Variants in FAM171A1 observed in about 807,000 individuals in gnomAD.
FAM171A1 encodes the protein family with sequence similarity 171 member A1.
Under a neutral mutation model 74.9 loss-of-function variants are expected in FAM171A1, and 23 were observed. That is an observed-to-expected ratio of 0.31 (90% confidence interval 0.22 to 0.44). The LOEUF is 0.44. Ranked by LOEUF, FAM171A1 falls within the 20% of genes least tolerant of loss-of-function variation. The pLI is 1.00. For synonymous variants in FAM171A1, 527 were observed against 505.7 expected, an observed-to-expected ratio of 1.04 and a Z score of -0.57; for missense variants, 1,162 against 1,159.2, an observed-to-expected ratio of 1.00 and a Z score of -0.03.
chr10:15,284,979 T>C (rs1023747786), intron 1 of FAM171A1, among the ~76,000 whole-genome samples: 1 of 148,292 alleles, frequency 6.7e-6, no homozygotes, highest in Non-Finnish European at 1.5e-5. Context: ...GAAGTCAAGT[T>C]AGGAATATTG....
chr10:15,356,233 A>C (rs1012360167), intron 1 of FAM171A1, among the ~76,000 whole-genome samples: 4 of 150,238 alleles, frequency 2.7e-5, no homozygotes, highest in African/African-American at 9.8e-5. Context: ...TATATATATA[A>C]ATACATACAT....
intron 5 of FAM171A1, 55 bp downstream of exon 5, chr10:15,248,584 C>T: frequency 1.3e-6 from 2 of 1,521,180 alleles, no homozygotes; most frequent in South Asian, 1.3e-5. Flanking sequence ...GAAGGAAAAC[C>T]AAACAGTAAC....
chr10:15,254,775 G>A lies in FAM171A1; in HGVS notation c.523C>T (p.Pro175Ser), dbSNP rs773892599. The change falls in exon 4 of 8, where the codon CCT (proline) becomes TCT (serine). Residue 175 changes from proline (P) to serine (S), a missense_variant. By Grantham distance (74) the Pro-to-Ser change is moderately conservative (BLOSUM62 -1). Transcript: ENST00000378116. ...TAAGGAAAACTGTCCACCTCCGAAG[G>A]GGAGCTGGCGGCCGTGAGAAACGCG... is the stretch of plus-strand genomic sequence containing the variant. ...LTAFLTAASS[P>S]SEVDSFPYLR... 23 of 1,614,068 alleles carry A rather than the reference G, an allele frequency of 1.4e-5. No individual in the cohort carries two copies. The Admixed American group carries it at 3.5e-4, about 25-fold the overall frequency.
chr10:15,227,863 A>G (rs551393895), intron 5 of FAM171A1, among the ~76,000 whole-genome samples: 11 of 152,334 alleles, frequency 7.2e-5, no homozygotes, highest in African/African-American at 1.2e-4. Context: ...TTTAACTACA[A>G]TGATTATTAC....
chr10:15,261,497 C>T (rs1242950281), intron 3 of FAM171A1, among the ~76,000 whole-genome samples: 1 of 152,124 alleles, frequency 6.6e-6, no homozygotes, highest in Non-Finnish European at 1.5e-5. Flanking sequence ...ATTCATTACT[C>T]TAATACAGAA....
intron 1 of FAM171A1, among the ~76,000 whole-genome samples, chr10:15,370,101 A>AC: frequency 6.6e-6 from 1 of 152,014 alleles, no homozygotes; most frequent in East Asian, 1.9e-4. Flanking sequence ...AAAAACGCTG[A>AC]TTTTAAAAAC....
At chr10:15,257,481 C>A (rs1394479718) in intron 3 of FAM171A1, among the ~76,000 whole-genome samples, 1 of 152,182 alleles carries the variant, frequency 6.6e-6, no homozygotes, top group East Asian at 1.9e-4. Context: ...CTCGTGCCTT[C>A]TCGAGCAGAT....
intron 5 of FAM171A1, among the ~76,000 whole-genome samples, chr10:15,244,116 A>T (rs1834400313): frequency 6.6e-6 from 1 of 152,212 alleles, no homozygotes. Context: ...GACTGTGGGA[A>T]GCTGAGGTGG....
In FAM171A1 at chr10:15,341,722, C is replaced by T. The variant is rs1287105219; in HGVS notation, c.97+29234G>A. On this transcript the variant is annotated intron_variant, in intron 1 of 7. Coordinates refer to ENST00000378116, the MANE Select transcript of FAM171A1 (RefSeq NM_001010924.2). ...GAGAGTATGCAGAGCTGGAGATAAG[C>T]CTGCAGGGAAACCTGGGACTTCTGA... 3.9e-5 allele frequency among the ~76,000 whole-genome samples: 6 copies of T among 152,182 alleles called. No individual in the cohort carries two copies. The East Asian group carries it at 1.2e-3, about 29-fold the overall frequency.
At chr10:15,240,470 T>G (rs1834349586) in intron 5 of FAM171A1, among the ~76,000 whole-genome samples, 1 of 152,204 alleles carries the variant, frequency 6.6e-6, no homozygotes, top group Non-Finnish European at 1.5e-5. Flanking sequence ...TCTAAGATGG[T>G]GTTAATCTAG....
At chr10:15,249,433 T>C (rs966956460) in intron 4 of FAM171A1, among the ~76,000 whole-genome samples, 4 of 152,190 alleles carry the variant, frequency 2.6e-5, no homozygotes, top group Admixed American at 6.5e-5. Flanking sequence ...TGTTTTGCTT[T>C]CAAAAACGAT....
At chr10:15,259,896 G>T (rs539463037) in intron 3 of FAM171A1, among the ~76,000 whole-genome samples, 101 of 151,826 alleles carry the variant, frequency 6.7e-4, no homozygotes, top group Admixed American at 4.1e-3. Context: ...TGCCATCACA[G>T]TTCACTGCAG....
At chr10:15,348,599 G>T (rs1471283249) in intron 1 of FAM171A1, among the ~76,000 whole-genome samples, 4 of 152,288 alleles carry the variant, frequency 2.6e-5, no homozygotes, top group African/African-American at 9.6e-5. Context: ...TAACCATCAA[G>T]CCTGGATGTG....
At chr10:15,219,886 A>G (rs971700464) in intron 6 of FAM171A1, among the ~76,000 whole-genome samples, 2 of 152,212 alleles carry the variant, frequency 1.3e-5, no homozygotes, top group Non-Finnish European at 2.9e-5. Flanking sequence ...GGCTAAGGGA[A>G]ACACATTACT....
At chr10:15,341,746 G>A (rs1051304262) in intron 1 of FAM171A1, among the ~76,000 whole-genome samples, 11 of 152,182 alleles carry the variant, frequency 7.2e-5, no homozygotes, top group African/African-American at 2.7e-4. Flanking sequence ...TGGGACTTCT[G>A]AGGATGCTCT....
intron 7 of FAM171A1, 112 bp downstream of exon 7, chr10:15,215,884 T>C: frequency 1.6e-6 from 1 of 635,596 alleles, no homozygotes; most frequent in Admixed American, 3.6e-5. Flanking sequence ...AAAAAGTACT[T>C]CAATTTAGAA....
At position 15,213,346 on chromosome 10, in the gene FAM171A1, C is replaced by T. The variant is rs1228384798; in HGVS notation, c.2242G>A (p.Glu748Lys). 1 of 1,614,194 alleles carries T rather than the reference C, an allele frequency of 6.2e-7. No individual in the cohort carries two copies. Among genetic ancestry groups the T allele is most frequent in the Admixed American group, 1.7e-5 (1 of 60,018 alleles). The change falls in exon 8 of 8, where the codon GAA becomes AAA. Residue 748 changes from glutamate (E) to lysine (K), a missense_variant. By Grantham distance (56) the Glu-to-Lys change is moderately conservative. Transcript: ENST00000378116. This position sits in a 1 kb window ranked among gnomAD's most constrained non-coding sequence, Gnocchi z 6.8. ...CTTCCCTTCCGGGCTGATTTTGGTTCATTCATATCTACGCCAGAGTCCAAA... is the reference window on the plus strand; with the variant it reads ...CTTCCCTTCCGGGCTGATTTTGGTTTATTCATATCTACGCCAGAGTCCAAA... ...ASLDSGVDMN[E>K]PKSARKGRGD...
At chr10:15,294,235 G>A (rs1044662416) in intron 1 of FAM171A1, among the ~76,000 whole-genome samples, 1 of 152,116 alleles carries the variant, frequency 6.6e-6, no homozygotes, top group Non-Finnish European at 1.5e-5. Flanking sequence ...TGCCCTGCTC[G>A]GGTTCTGTGC....
intron 5 of FAM171A1, among the ~76,000 whole-genome samples, chr10:15,234,663 T>TTA (rs1834257922): frequency 6.6e-6 from 1 of 151,796 alleles, no homozygotes; most frequent in South Asian, 2.1e-4. Context: ...TTTTCTTTTT[T>TTA]TTTTTTTGAG....
Sources: allele counts gnomAD v4.1 joint callset (sites outside exome capture counted in the v4.1 genomes callset), GRCh38; gene constraint gnomAD v4.1.1; non-coding constraint Gnocchi (gnomAD v3.1); transcripts MANE v1.5; gene names NCBI Gene and HGNC (gene_info 2026-07-23, HGNC 2026-07-21).